CRISPLD1: variants seen among roughly 807,000 people sequenced by gnomAD.
CRISPLD1 encodes cysteine-rich secretory protein LCCL domain-containing 1.
In CRISPLD1, 60 loss-of-function variants were observed where a neutral mutation model predicts 77.5. The observed-to-expected ratio is 0.77, with a 90% CI of 0.63 to 0.96. The LOEUF (loss-of-function observed/expected upper bound fraction) is 0.96. Among genes scored for constraint, CRISPLD1 ranks in the 40% least tolerant of loss-of-function variants. The pLI is 0.00. For synonymous variants in CRISPLD1, 195 were observed against 200.1 expected (o/e 0.97, Z 0.22); for missense variants, 623 against 615.8 (o/e 1.01, Z -0.12).
At chr8:74,987,679 C>G (rs1247229355) in intron 2 of CRISPLD1, among the ~76,000 whole-genome samples, 1 of 152,146 alleles carries the variant, frequency 6.6e-6, no homozygotes, top group African/African-American at 2.4e-5. Context: ...AATTCTATGA[C>G]TTCTTCATCT....
chr8:74,988,796 C>T (rs1248190519), intron 2 of CRISPLD1, among the ~76,000 whole-genome samples: 1 of 152,148 alleles, frequency 6.6e-6, no homozygotes, highest in Non-Finnish European at 1.5e-5. Flanking sequence ...GATCACACCA[C>T]TGCACTCCAC....
At chr8:75,001,322 C>T (rs1333338585) in intron 2 of CRISPLD1, among the ~76,000 whole-genome samples, 1 of 152,124 alleles carries the variant, frequency 6.6e-6, no homozygotes, top group Non-Finnish European at 1.5e-5. Context: ...ATTTCAGTGA[C>T]TTTCTGAGTT....
intron 2 of CRISPLD1, among the ~76,000 whole-genome samples, chr8:74,989,181 T>C (rs1812537006): frequency 6.6e-6 from 1 of 152,150 alleles, no homozygotes; most frequent in Non-Finnish European, 1.5e-5. Context: ...GGAAGCAGAT[T>C]AAGTTCATGG....
In CRISPLD1 at chr8:75,000,464, A is replaced by G. The variant is rs533317088; in HGVS notation, c.259-11969A>G. The G allele has an allele frequency of 2.2e-5, 21 of 976,274 alleles. No homozygotes were observed. In the East Asian group the frequency reaches 6.8e-4, roughly 32 times the overall value. The allele number at this position is 976,274 out of a possible 1,614,324, so 60.5% of individuals were successfully genotyped here. A position where few individuals can be genotyped will look rare whatever the true frequency, so the allele number is the denominator to read the frequency against. ...GTGCTATCTCACATGAACATCTACC[A>G]TGTTATTCCGTATGCCTTGAGATTT... On this transcript the variant is annotated intron_variant, in intron 2 of 14. Coordinates refer to ENST00000262207, the MANE Select transcript of CRISPLD1 (RefSeq NM_031461.6).
At chr8:74,997,545 T>C (rs768852672) in intron 2 of CRISPLD1, among the ~76,000 whole-genome samples, 13 of 152,128 alleles carry the variant, frequency 8.5e-5, no homozygotes, top group Non-Finnish European at 1.3e-4. Context: ...AATATGGAAA[T>C]AATGTAGCTA....
chr8:75,016,863 G>C lies in CRISPLD1; in HGVS notation c.869-18G>C, dbSNP rs1468741693. 1 of 1,549,884 alleles carries C rather than the reference G, an allele frequency of 6.5e-7. No individual in the cohort carries two copies. Among genetic ancestry groups the C allele is most frequent in the Non-Finnish European group, 8.7e-7 (1 of 1,144,856 alleles). On this transcript the variant is annotated intron_variant, in intron 7 of 14. Transcript: ENST00000262207. Reference sequence around the variant, plus strand: ...CTTTTATATTATTTAAGTTATTTAGGTATTTTTTTCTTTGTAGCCCAAATT... The same window carrying C: ...CTTTTATATTATTTAAGTTATTTAGCTATTTTTTTCTTTGTAGCCCAAATT...
intron 5 of CRISPLD1, 64 bp downstream of exon 5, chr8:75,014,166 G>A (rs945454055): frequency 9.4e-6 from 9 of 961,736 alleles, no homozygotes; most frequent in African/African-American, 3.2e-5. Flanking sequence ...ATACCTTTAC[G>A]TTCCTGATTG....
Position 75,023,073 on chromosome 8 carries a change from T to TAAA in CRISPLD1, c.1245-2454_1245-2452dup, listed in dbSNP as rs397891797. 7.1e-5 allele frequency among the ~76,000 whole-genome samples: 8 copies of TAAA among 112,046 alleles called. No individual in the cohort carries two copies. The Admixed American group carries it at 7.8e-4, about 11-fold the overall frequency. The allele number at this position is 112,046 out of a possible 152,430, so 73.5% of individuals were successfully genotyped here. Reference sequence around the variant, plus strand: ...TCAAAGTTTACCGGCAAATTGTAGGTAAAAAAAAAAAAAAAAAAAAAGTTT... The same window carrying TAAA: ...TCAAAGTTTACCGGCAAATTGTAGGTAAAAAAAAAAAAAAAAAAAAAAAAGTTT... On this transcript the variant is annotated intron_variant, in intron 12 of 14. Coordinates refer to ENST00000262207, the MANE Select transcript of CRISPLD1 (RefSeq NM_031461.6).
chr8:75,021,901 A>C (rs1813142417), intron 12 of CRISPLD1, among the ~76,000 whole-genome samples: 1 of 152,186 alleles, frequency 6.6e-6, no homozygotes, highest in Admixed American at 6.5e-5. Flanking sequence ...GCCTTATGTC[A>C]GCCATGTGAC....
chr8:75,028,305 C>T (rs1813269943), intron 13 of CRISPLD1, among the ~76,000 whole-genome samples: 1 of 152,024 alleles, frequency 6.6e-6, no homozygotes, highest in Admixed American at 6.6e-5. Context: ...CTGACTGATG[C>T]TCTAGAGTTC....
At chr8:75,019,957 G>C in intron 11 of CRISPLD1, 44 bp downstream of exon 11, 1 of 1,610,512 alleles carries the variant, frequency 6.2e-7, no homozygotes, top group Non-Finnish European at 8.5e-7. Context: ...TGTGTAGTAT[G>C]TTACTGCTTT....
intron 14 of CRISPLD1, among the ~76,000 whole-genome samples, chr8:75,031,031 T>C (rs1163607203): frequency 3.9e-5 from 6 of 152,070 alleles, no homozygotes; most frequent in African/African-American, 1.2e-4. Context: ...CTCAGAGATA[T>C]GTGTTATTCC....
At chr8:75,015,923 C>T (rs923635833) in intron 6 of CRISPLD1, among the ~76,000 whole-genome samples, 6 of 152,024 alleles carry the variant, frequency 3.9e-5, no homozygotes, top group African/African-American at 1.4e-4. Context: ...GTTCTGAGTT[C>T]TTGGGCATGC....
rs1172664981 is a variant in CRISPLD1, at chr8:75,033,711, G to T, written c.*1469G>T. On this transcript the variant is annotated 3_prime_UTR_variant, in exon 15 of 15. Transcript: ENST00000262207. ...GAGAGCAGATAATACAAAAGAAAAAGAAGAAGGTTCACATAAATAGCTTCT... is the reference window on the plus strand; with the variant it reads ...GAGAGCAGATAATACAAAAGAAAAATAAGAAGGTTCACATAAATAGCTTCT... 2 of 151,914 alleles carry T rather than the reference G, an allele frequency of 1.3e-5. No individual in the cohort carries two copies. The highest frequency in any genetic ancestry group is 6.6e-5 in the Admixed American group (1 of 15,232). The allele number at this position is 151,914 out of a possible 1,614,324, so 9.4% of individuals were successfully genotyped here. A position where few individuals can be genotyped will look rare whatever the true frequency, so the allele number is the denominator to read the frequency against.
Position 75,029,439 on chromosome 8 carries a change from G to C in CRISPLD1, c.1373G>C (p.Gly458Ala). 1 of 1,613,828 alleles carries C rather than the reference G, an allele frequency of 6.2e-7. No homozygotes were observed. Among genetic ancestry groups the C allele is most frequent in the Non-Finnish European group, 8.5e-7 (1 of 1,179,796 alleles). The change falls in exon 14 of 15, where the codon GGT becomes GCT. Residue 458 changes from glycine (G) to alanine (A), a missense_variant. Coordinates refer to ENST00000262207, the MANE Select transcript of CRISPLD1 (RefSeq NM_031461.6). ...AVHAGVVRNH[G>A]GYVDVMPVDK... Reference sequence around the variant, plus strand: ...CATGCTGGAGTGGTTCGAAATCACGGTGGTTATGTTGATGTAATGCCTGTG... The same window carrying C: ...CATGCTGGAGTGGTTCGAAATCACGCTGGTTATGTTGATGTAATGCCTGTG...
rs1812960275 is a variant in CRISPLD1 at position 75,012,959 on chromosome 8, A to G, written c.447A>G (p.Glu149=). The part of the protein sequence containing the change: ...DEVKDFSYPY[E]HECNPYCPFR... ...TGAAAGACTTTAGCTACCCATATGA[A>G]CATGAATGCAACCCATATTGTCCAT... The change falls in exon 4 of 15, where the codon GAA becomes GAG. Residue 149 remains glutamate, a synonymous_variant. Coordinates refer to ENST00000262207, the MANE Select transcript of CRISPLD1 (RefSeq NM_031461.6). 1 of 1,612,846 alleles carries G rather than the reference A, an allele frequency of 6.2e-7. No individual in the cohort carries two copies. Among genetic ancestry groups the G allele is most frequent in the Admixed American group, 1.7e-5 (1 of 59,850 alleles).
chr8:75,018,056 AC>A (rs1813066320), intron 10 of CRISPLD1, among the ~76,000 whole-genome samples: 1 of 152,160 alleles, frequency 6.6e-6, no homozygotes, highest in South Asian at 2.1e-4. Context: ...CTTTTGAAAT[AC>A]CTCTTTAGTG....
At chr8:74,992,913 T>TG in intron 2 of CRISPLD1, among the ~76,000 whole-genome samples, 1 of 150,876 alleles carries the variant, frequency 6.6e-6, no homozygotes, top group Admixed American at 6.6e-5. Flanking sequence ...TGGTTTTTTT[T>TG]TTTTTTTTTT....
intron 4 of CRISPLD1, 29 bp from the exon 5 acceptor site, chr8:75,013,958 T>C: frequency 6.7e-7 from 1 of 1,488,276 alleles, no homozygotes; most frequent in Non-Finnish European, 9.4e-7. Context: ...CAGCCTGCTT[T>C]TTCTGAGCCT....
Sources: gnomAD v4.1 joint callset for allele counts (sites outside exome capture counted in the v4.1 genomes callset) on GRCh38, gnomAD v4.1.1 for gene constraint, MANE v1.5 for transcripts, NCBI Gene and HGNC (gene_info 2026-07-23, HGNC 2026-07-21) for gene names.